The following MDGA2 variants were observed in gnomAD, a reference collection of about 807,000 sequenced individuals.
MDGA2 encodes the protein MAM domain containing glycosylphosphatidylinositol anchor 2, also known as MAM domain-containing glycosylphosphatidylinositol anchor protein 2.
MDGA2 carries 40 observed loss-of-function variants against 117.8 expected under a neutral mutation model. That is an observed-to-expected ratio of 0.34 (90% CI 0.26 to 0.44). The LOEUF (loss-of-function observed/expected upper bound fraction) is 0.44, where lower values mean the gene tolerates loss of function less well. Ranked by LOEUF, MDGA2 falls within the 20% of genes least tolerant of loss-of-function variation. The pLI, the probability that MDGA2 is intolerant of heterozygous loss-of-function variation, is 1.00. For synonymous variants in MDGA2, 452 were observed against 439.0 expected (o/e 1.03, Z -0.37); for missense variants, 1,123 against 1,250.6 (o/e 0.90, Z 1.54).
At chr14:47,211,400 A>G (rs540186635) in intron 3 of MDGA2, among the ~76,000 whole-genome samples, 2 of 152,146 alleles carry the variant, frequency 1.3e-5, no homozygotes, top group African/African-American at 2.4e-5. Context: ...CCTCAAAAGT[A>G]TGTGCTTCCT....
chr14:47,159,888 TATC>T lies in MDGA2; in HGVS notation c.596-15617_596-15615del, dbSNP rs1469826244. ...TTTTCTATTAATTTTGTTCAGCAAA[TATC>T]ATTTCATAGACATATAACTTAATTT... On this transcript the variant is annotated intron_variant, in intron 3 of 16. Transcript: ENST00000399232. Among the ~76,000 whole-genome samples, 7 of 152,330 alleles carry T rather than the reference TATC, an allele frequency of 4.6e-5. No individual in the cohort carries two copies. In the East Asian group the frequency reaches 1.2e-3, roughly 25 times the overall value.
chr14:47,196,568 T>C (rs1476807144), intron 3 of MDGA2, among the ~76,000 whole-genome samples: 2 of 152,226 alleles, frequency 1.3e-5, no homozygotes, highest in African/African-American at 4.8e-5. Flanking sequence ...CCTAAAAAGC[T>C]ACTTTATAAG....
Position 47,384,020 on chromosome 14 carries a change from ATAGAT to A in MDGA2, c.281-82475_281-82471del, listed in dbSNP as rs139081503. Among the ~76,000 whole-genome samples the A allele has an allele frequency of 3.9e-4, 55 of 142,842 alleles. 1 individual carries two copies. Among genetic ancestry groups the A allele is most frequent in the Admixed American group, 1.2e-3 (17 of 14,616 alleles). The allele number at this position is 142,842 out of a possible 152,430, so 93.7% of individuals were successfully genotyped here. A position where few individuals can be genotyped will look rare whatever the true frequency, so the allele number is the denominator to read the frequency against. On this transcript the variant is annotated intron_variant, in intron 1 of 16. Transcript: ENST00000399232. ...AGATAGATAGATAGATAGATAATAG[ATAGAT>A]TAGATAAAGAGATAAATAGAACATA...
At chr14:47,032,842 G>C (rs1422665747) in intron 8 of MDGA2, among the ~76,000 whole-genome samples, 1 of 152,124 alleles carries the variant, frequency 6.6e-6, no homozygotes, top group Non-Finnish European at 1.5e-5. Context: ...ATATGGAAGG[G>C]AGGTCCTTGA....
At chr14:46,917,526 G>C (rs1287214133) in intron 10 of MDGA2, among the ~76,000 whole-genome samples, 1 of 152,080 alleles carries the variant, frequency 6.6e-6, no homozygotes, top group Admixed American at 6.5e-5. Flanking sequence ...AAAAATATGA[G>C]GCCGTATTGG....
intron 1 of MDGA2, among the ~76,000 whole-genome samples, chr14:47,497,305 G>A (rs1594887229): frequency 6.6e-6 from 1 of 152,312 alleles, no homozygotes; most frequent in East Asian, 1.9e-4. Flanking sequence ...TGCCCAGGCT[G>A]AAGGGCAGTG....
At chr14:47,367,026 C>T (rs1463115770) in intron 1 of MDGA2, among the ~76,000 whole-genome samples, 1 of 152,034 alleles carries the variant, frequency 6.6e-6, no homozygotes, top group East Asian at 1.9e-4. Context: ...ATAGACTAAT[C>T]ATCTGTCATC....
At chr14:47,146,606 C>G (rs1373708596) in intron 3 of MDGA2, among the ~76,000 whole-genome samples, 1 of 152,102 alleles carries the variant, frequency 6.6e-6, no homozygotes. Flanking sequence ...ATAAAAGATA[C>G]TCTGATTCAA....
At chr14:47,423,151 G>A (rs1048135920) in intron 1 of MDGA2, among the ~76,000 whole-genome samples, 1 of 152,090 alleles carries the variant, frequency 6.6e-6, no homozygotes, top group Non-Finnish European at 1.5e-5. Context: ...TCACACATCT[G>A]TATAATGATA....
chr14:47,673,588 CAAGAG>C (rs1178639812), intron 1 of MDGA2, among the ~76,000 whole-genome samples: 6 of 151,070 alleles, frequency 4.0e-5, no homozygotes, highest in Non-Finnish European at 7.4e-5. Context: ...CTGCTTGTCC[CAAGAG>C]AAGACATACA....
intron 1 of MDGA2, among the ~76,000 whole-genome samples, chr14:47,615,256 T>G (rs1896928179): frequency 6.6e-6 from 1 of 152,186 alleles, no homozygotes; most frequent in Non-Finnish European, 1.5e-5. Context: ...AAATAACATT[T>G]TAGTGGTGCT....
At chr14:47,031,715 A>G (rs1888672161) in intron 8 of MDGA2, among the ~76,000 whole-genome samples, 1 of 152,258 alleles carries the variant, frequency 6.6e-6, no homozygotes, top group African/African-American at 2.4e-5. Context: ...TGGGTTAAGC[A>G]CCATTCCCCC....
intron 1 of MDGA2, among the ~76,000 whole-genome samples, chr14:47,411,518 A>G (rs984094277): frequency 6.6e-6 from 1 of 152,162 alleles, no homozygotes; most frequent in Non-Finnish European, 1.5e-5. Flanking sequence ...TTTTTCTCTC[A>G]ATTATTTAAA....
At chr14:47,668,756 T>C (rs1424758843) in intron 1 of MDGA2, among the ~76,000 whole-genome samples, 1 of 152,200 alleles carries the variant, frequency 6.6e-6, no homozygotes, top group Non-Finnish European at 1.5e-5. Flanking sequence ...CCTTCCAAAA[T>C]AGCCAAAAGG....
intron 9 of MDGA2, among the ~76,000 whole-genome samples, chr14:46,928,718 TTATC>T (rs1364454372): frequency 6.6e-6 from 1 of 152,186 alleles, no homozygotes; most frequent in African/African-American, 2.4e-5. Context: ...TTTCCAATTG[TTATC>T]TATCTTTTAA....
At chr14:47,610,539 A>G (rs1486781366) in intron 1 of MDGA2, among the ~76,000 whole-genome samples, 1 of 152,042 alleles carries the variant, frequency 6.6e-6, no homozygotes, top group Non-Finnish European at 1.5e-5. Flanking sequence ...GAATCAAATC[A>G]AGAACTCAAC....
intron 2 of MDGA2, among the ~76,000 whole-genome samples, chr14:47,234,987 A>G (rs1318309687): frequency 6.6e-6 from 1 of 152,158 alleles, no homozygotes; most frequent in African/African-American, 2.4e-5. Context: ...ATCTAATTAT[A>G]TAATTAGAGT....
In MDGA2 at chr14:46,975,028, A is replaced by C. The variant is rs1469815468; in HGVS notation, c.1820-17385T>G. 2.6e-5 allele frequency among the ~76,000 whole-genome samples: 4 copies of C among 152,246 alleles called. No individual in the cohort carries two copies. In the South Asian group the frequency reaches 8.3e-4, roughly 32 times the overall value. On this transcript the variant is annotated intron_variant, in intron 8 of 16. Coordinates refer to ENST00000399232, the MANE Select transcript of MDGA2 (RefSeq NM_001113498.3). Reference sequence around the variant, plus strand: ...AAAAAAGCAATAGCTCAATTCAAAAATGGGCAAAGAACTTGAACAGATATT... The same window carrying C: ...AAAAAAGCAATAGCTCAATTCAAAACTGGGCAAAGAACTTGAACAGATATT...
rs1889870839 is a variant in MDGA2 at position 47,061,259 on chromosome 14, G to A, written c.1515C>T (p.Ser505=). 1 of 1,612,078 alleles carries A rather than the reference G, an allele frequency of 6.2e-7. No individual in the cohort carries two copies. The highest frequency in any genetic ancestry group is 8.5e-7 in the Non-Finnish European group (1 of 1,178,600). Residue 505 remains serine, a synonymous_variant, in exon 7 of 17, where the codon TCC becomes TCT. Coordinates refer to ENST00000399232, the MANE Select transcript of MDGA2 (RefSeq NM_001113498.3). ...ATATATGCCTCTTACCTGTGCTGCT[G>A]GATATATTAACATCGATACTGATAT... is the stretch of plus-strand genomic sequence containing the variant. The part of the protein sequence containing the change: ...ISDISIDVNI[S]SSTVPPNLTV...
Sources: gnomAD v4.1 joint callset for allele counts (sites outside exome capture counted in the v4.1 genomes callset) on GRCh38, gnomAD v4.1.1 for gene constraint, MANE v1.5 for transcripts, NCBI Gene and HGNC (gene_info 2026-07-23, HGNC 2026-07-21) for gene names.